PCDH15: variants seen among roughly 807,000 people sequenced by gnomAD.
PCDH15 encodes the protein protocadherin-15.
A neutral mutation model predicts 178.5 loss-of-function variants in PCDH15; 129 were observed. That is an observed-to-expected ratio of 0.72 (90% confidence interval 0.63 to 0.84). The LOEUF (loss-of-function observed/expected upper bound fraction) is 0.84. PCDH15 is among the 40% of genes least tolerant of loss of function. The probability of loss-of-function intolerance (pLI) is 0.00; values close to 1 mark genes in which losing one functional copy is unlikely to be tolerated. For missense variants in PCDH15, 2,230 were observed against 2,099.9 expected (o/e 1.06, Z -1.21); for synonymous variants, 800 against 732.0 (o/e 1.09, Z -1.50).
At chr10:55,473,318 C>T (rs1232167992) in intron 2 of PCDH15, among the ~76,000 whole-genome samples, 1 of 151,132 alleles carries the variant, frequency 6.6e-6, no homozygotes, top group Non-Finnish European at 1.5e-5. Context: ...AAGATAACAA[C>T]ATAAATAGGG....
intron 3 of PCDH15, among the ~76,000 whole-genome samples, chr10:54,498,261 G>A (rs2080320017): frequency 1.3e-5 from 2 of 152,100 alleles, no homozygotes; most frequent in African/African-American, 2.4e-5. Context: ...AAATGTTAAG[G>A]GAAATTGTAA....
At chr10:54,779,921 C>T (rs978159147) in intron 1 of PCDH15, among the ~76,000 whole-genome samples, 1 of 151,990 alleles carries the variant, frequency 6.6e-6, no homozygotes, top group Non-Finnish European at 1.5e-5. Context: ...ATTAAATTGG[C>T]CACTATTGGT....
At chr10:55,324,957 C>T (rs752418048) in intron 2 of PCDH15, among the ~76,000 whole-genome samples, 2 of 151,992 alleles carry the variant, frequency 1.3e-5, no homozygotes, top group Non-Finnish European at 2.9e-5. Flanking sequence ...ATCAAGAACG[C>T]AATCCCATTC....
chr10:54,828,554 T>C (rs1235108797), intron 3 of PCDH15, among the ~76,000 whole-genome samples: 1 of 151,992 alleles, frequency 6.6e-6, no homozygotes, highest in Non-Finnish European at 1.5e-5. Flanking sequence ...TAGATAGAAA[T>C]AATGGTAATA....
rs533227250 is a variant in PCDH15 at position 54,831,433 on chromosome 10, CATT to C, written c.-29+66014_-29+66016del. 1.5e-4 allele frequency among the ~76,000 whole-genome samples: 23 copies of C among 152,148 alleles called. No homozygotes were observed. The East Asian group carries it at 4.4e-3, about 29-fold the overall frequency. On this transcript the variant is annotated intron_variant, in intron 3 of 5. Coordinates refer to the PCDH15 transcript ENST00000458638. ...GGATTGAATGATTTCTAAACAGTCACATTATTTTTTTCTATTTTACCAGTTTTT... is the reference window on the plus strand; with the variant it reads ...GGATTGAATGATTTCTAAACAGTCACATTTTTTTCTATTTTACCAGTTTTT...
intron 15 of PCDH15, among the ~76,000 whole-genome samples, chr10:54,109,867 A>G (rs1359516787): frequency 6.6e-6 from 1 of 152,252 alleles, no homozygotes; most frequent in Non-Finnish European, 1.5e-5. Context: ...TGTAACATAA[A>G]GGATAGATGC....
intron 2 of PCDH15, among the ~76,000 whole-genome samples, chr10:55,515,924 T>C (rs372164924): frequency 9.2e-5 from 14 of 152,218 alleles, no homozygotes; most frequent in Non-Finnish European, 7.3e-5. Context: ...GTTTGTGTTG[T>C]AGGAATTCAG....
rs151090978 is a variant in PCDH15 at position 55,450,391 on chromosome 10, A to G, written c.-156+177234T>C. Among the ~76,000 whole-genome samples the G allele has an allele frequency of 2.5e-3, 376 of 152,306 alleles. 1 individual carries two copies. Among genetic ancestry groups the G allele is most frequent in the African/African-American group, 8.4e-3 (349 of 41,580 alleles). ...CACTCTTAGGAGATGGCTTAAGACA[A>G]CAAGTAGAGCAAAGTTAGAAATAGG... On this transcript the variant is annotated intron_variant, in intron 2 of 5. Transcript: ENST00000613346.
At chr10:54,279,972 A>T in intron 8 of PCDH15, among the ~76,000 whole-genome samples, 1 of 151,710 alleles carries the variant, frequency 6.6e-6, no homozygotes, top group East Asian at 1.9e-4. Flanking sequence ...TGGCAGAAAG[A>T]CATGTCCCAT....
At chr10:53,981,751 A>T (rs1439471042) in intron 21 of PCDH15, among the ~76,000 whole-genome samples, 2 of 151,306 alleles carry the variant, frequency 1.3e-5, no homozygotes, top group African/African-American at 4.9e-5. Context: ...TTCAGGACAT[A>T]GGCATGGGCA....
chr10:54,712,669 T>C (rs964384772), intron 1 of PCDH15, among the ~76,000 whole-genome samples: 2 of 151,978 alleles, frequency 1.3e-5, no homozygotes, highest in Non-Finnish European at 2.9e-5. Flanking sequence ...TTAGTTCATA[T>C]AGCCACGGAA....
At chr10:55,437,930 C>T (rs573882736) in intron 2 of PCDH15, among the ~76,000 whole-genome samples, 17 of 151,022 alleles carry the variant, frequency 1.1e-4, no homozygotes, top group Admixed American at 7.3e-4. Context: ...CTCTGCCTCC[C>T]GGGTTCAAGC....
chr10:54,592,914 G>A (rs993864353), intron 2 of PCDH15, among the ~76,000 whole-genome samples: 1 of 151,968 alleles, frequency 6.6e-6, no homozygotes, highest in Admixed American at 6.6e-5. Flanking sequence ...GTTTTGATTT[G>A]TATTTCCTGA....
At chr10:53,855,394 A>G (rs931014233) in intron 28 of PCDH15, among the ~76,000 whole-genome samples, 2 of 152,070 alleles carry the variant, frequency 1.3e-5, no homozygotes, top group African/African-American at 4.8e-5. Context: ...TATTTTGAAA[A>G]GGCTCAGTGT....
At chr10:55,577,012 G>A (rs961923226) in intron 2 of PCDH15, among the ~76,000 whole-genome samples, 2 of 152,136 alleles carry the variant, frequency 1.3e-5, no homozygotes, top group African/African-American at 4.8e-5. Flanking sequence ...GGGAGGCTGA[G>A]GCAGGTGGAT....
chr10:55,024,126 T>C (rs1200250965), intron 2 of PCDH15, among the ~76,000 whole-genome samples: 1 of 145,684 alleles, frequency 6.9e-6, no homozygotes, highest in African/African-American at 2.5e-5. Flanking sequence ...GGAAGGAATA[T>C]ATATATATAT....
intron 3 of PCDH15, among the ~76,000 whole-genome samples, chr10:54,436,608 T>C (rs1156425569): frequency 5.3e-5 from 8 of 152,162 alleles, no homozygotes; most frequent in African/African-American, 1.7e-4. Context: ...ATTTGTTCAT[T>C]TAATTGATTT....
At position 54,573,734 on chromosome 10, in the gene PCDH15, T is replaced by C. The variant is rs551661104; in HGVS notation, c.92-45857A>G. 4.6e-5 allele frequency among the ~76,000 whole-genome samples: 7 copies of C among 152,214 alleles called. No homozygotes were observed. The East Asian group carries it at 9.7e-4, about 21-fold the overall frequency. The stretch of plus-strand genomic sequence containing the variant: ...TTTCCCCAACTTCAGATTCTGGTAA[T>C]TGCATGACTTACCCTACCCTCTCTG... On this transcript the variant is annotated intron_variant, in intron 2 of 37. Coordinates refer to ENST00000644397, the MANE Select transcript of PCDH15 (RefSeq NM_001384140.1).
chr10:54,698,206 G>A (rs748054052), intron 1 of PCDH15, among the ~76,000 whole-genome samples: 1 of 152,052 alleles, frequency 6.6e-6, no homozygotes, highest in Non-Finnish European at 1.5e-5. Flanking sequence ...TGTTGGCATG[G>A]GATAAATGAA....
Sources: allele counts gnomAD v4.1 joint callset (sites outside exome capture counted in the v4.1 genomes callset), GRCh38; gene constraint gnomAD v4.1.1; transcripts MANE v1.5; gene names NCBI Gene and HGNC (gene_info 2026-07-23, HGNC 2026-07-21).